SBF2: variants seen among roughly 807,000 people sequenced by gnomAD.
SBF2 encodes myotubularin-related protein 13.
A neutral mutation model predicts 225.2 loss-of-function variants in SBF2; 112 were observed. The observed-to-expected ratio is 0.50, with a 90% CI of 0.43 to 0.58. The LOEUF is 0.58. Ranked by LOEUF, SBF2 falls within the 20% of genes least tolerant of loss-of-function variation. The pLI is 0.00. For missense variants in SBF2, 1,996 were observed against 2,206.2 expected (o/e 0.90, Z 1.91); for synonymous variants, 763 against 773.3 (o/e 0.99, Z 0.22).
At chr11:9,780,573 TG>T in intron 39 of SBF2, 57 bp from the exon 40 acceptor site, 1 of 1,425,812 alleles carries the variant, frequency 7.0e-7, no homozygotes, top group Non-Finnish European at 9.9e-7. Context: ...TTTATGGATT[TG>T]GGTAAGTGGT....
chr11:10,062,416 G>A (rs948883777), intron 2 of SBF2, among the ~76,000 whole-genome samples: 2 of 152,158 alleles, frequency 1.3e-5, no homozygotes, highest in African/African-American at 2.4e-5. Context: ...TACAGACTGG[G>A]AGAAAATTTA....
chr11:9,896,869 G>A (rs2134137367), intron 16 of SBF2, among the ~76,000 whole-genome samples: 1 of 152,124 alleles, frequency 6.6e-6, no homozygotes, highest in African/African-American at 2.4e-5. Context: ...AAAACCCATT[G>A]AGTGAAATGC....
chr11:10,268,474 C>T (rs1962197593), intron 1 of SBF2, among the ~76,000 whole-genome samples: 1 of 152,100 alleles, frequency 6.6e-6, no homozygotes, highest in Non-Finnish European at 1.5e-5. Flanking sequence ...CAAAAAGCTA[C>T]AATGGATCAA....
intron 1 of SBF2, among the ~76,000 whole-genome samples, chr11:10,262,240 G>C (rs1287711270): frequency 6.6e-6 from 1 of 152,162 alleles, no homozygotes; most frequent in Non-Finnish European, 1.5e-5. Flanking sequence ...GGAATCAACA[G>C]ATGGAGTAAT....
At chr11:10,190,768 G>T (rs1957134564) in intron 2 of SBF2, among the ~76,000 whole-genome samples, 1 of 152,086 alleles carries the variant, frequency 6.6e-6, no homozygotes, top group Non-Finnish European at 1.5e-5. Flanking sequence ...AATAAAGTTG[G>T]TCCCTATTCA....
At chr11:9,910,260 C>T (rs1384463461) in intron 16 of SBF2, among the ~76,000 whole-genome samples, 1 of 152,172 alleles carries the variant, frequency 6.6e-6, no homozygotes, top group African/African-American at 2.4e-5. Flanking sequence ...GCCATTGTAA[C>T]ATCCAAGAGA....
At chr11:10,221,244 A>G (rs763515102) in intron 1 of SBF2, among the ~76,000 whole-genome samples, 2 of 151,616 alleles carry the variant, frequency 1.3e-5, no homozygotes, top group Non-Finnish European at 2.9e-5. Context: ...CAGCCTCCCA[A>G]GTAGCTGGGA....
chr11:9,839,089 ACT>A (rs912183182), intron 26 of SBF2: 69 of 259,048 alleles, frequency 2.7e-4, no homozygotes, highest in African/African-American at 1.4e-3. Context: ...GCAACAAGAG[ACT>A]CTATGGCTCA....
chr11:9,871,312 C>T (rs1251452365), intron 17 of SBF2, among the ~76,000 whole-genome samples: 2 of 151,248 alleles, frequency 1.3e-5, no homozygotes, highest in East Asian at 1.9e-4. Context: ...AAAAAAGACC[C>T]CATTAAAAAG....
rs557996641 is a variant in SBF2 at position 10,165,645 on chromosome 11, A to G, written c.141+28257T>C. ...ACAGAACCAAATCTCCATCCCAGTC[A>G]CTTCAACTAGATAGTATCTAAAATC... is the stretch of plus-strand genomic sequence containing the variant. On this transcript the variant is annotated intron_variant, in intron 2 of 39. Coordinates refer to ENST00000256190, the MANE Select transcript of SBF2 (RefSeq NM_030962.4). 4.6e-5 allele frequency among the ~76,000 whole-genome samples: 7 copies of G among 152,288 alleles called. No individual in the cohort carries two copies. The South Asian group carries it at 1.5e-3, about 32-fold the overall frequency.
intron 16 of SBF2, among the ~76,000 whole-genome samples, chr11:9,934,822 A>G (rs1266097000): frequency 6.6e-6 from 1 of 152,220 alleles, no homozygotes; most frequent in Non-Finnish European, 1.5e-5. Context: ...AATAAGAGCT[A>G]TTTATGACAA....
At chr11:10,052,588 C>T (rs965303691) in intron 2 of SBF2, among the ~76,000 whole-genome samples, 2 of 152,174 alleles carry the variant, frequency 1.3e-5, no homozygotes, top group East Asian at 1.9e-4. Context: ...GCATTACAAA[C>T]ACCCGCTTTG....
intron 2 of SBF2, among the ~76,000 whole-genome samples, chr11:10,089,855 T>G (rs1429469544): frequency 6.6e-6 from 1 of 152,136 alleles, no homozygotes; most frequent in Non-Finnish European, 1.5e-5. Flanking sequence ...ATTCAAATAC[T>G]CAACAATAAA....
Position 9,829,377 on chromosome 11 carries a change from G to A in SBF2, c.3772C>T (p.Pro1258Ser). ...LRGNSTLTVRPAFALSPGVWA... is the reference protein window; with the variant it reads ...LRGNSTLTVRSAFALSPGVWA... ...TTACCTGGAGATAGAGCAAAGGCTG[G>A]CCTGACAGTAAGAGTGCTGTTGCCT... is the stretch of plus-strand genomic sequence containing the variant. Residue 1258 changes from proline (P) to serine (S), a missense_variant, in exon 28 of 40, where the codon CCA (proline) becomes TCA (serine). Transcript: ENST00000256190. The A allele has an allele frequency of 6.2e-7, 1 of 1,614,142 alleles. No individual in the cohort carries two copies. The highest frequency in any genetic ancestry group is 8.5e-7 in the Non-Finnish European group (1 of 1,180,000).
chr11:9,839,102 T>C (rs1855923709), intron 26 of SBF2: 3 of 296,150 alleles, frequency 1.0e-5, no homozygotes, highest in Admixed American at 9.6e-5. Flanking sequence ...CTATGGCTCA[T>C]AAACTGAAAA....
intron 2 of SBF2, among the ~76,000 whole-genome samples, chr11:10,177,881 C>A (rs1191766633): frequency 1.3e-5 from 2 of 150,000 alleles, no homozygotes; most frequent in African/African-American, 2.5e-5. Context: ...GCCTGCATTG[C>A]CAAGACAATC....
At chr11:10,035,211 T>TA (rs1439289113) in intron 3 of SBF2, among the ~76,000 whole-genome samples, 3 of 152,066 alleles carry the variant, frequency 2.0e-5, no homozygotes, top group Non-Finnish European at 4.4e-5. Context: ...CCTGACCTCG[T>TA]GATCTGCCCA....
intron 26 of SBF2, among the ~76,000 whole-genome samples, chr11:9,835,096 T>A (rs1047211062): frequency 6.6e-6 from 1 of 152,144 alleles, no homozygotes; most frequent in Non-Finnish European, 1.5e-5. Context: ...CTGCCACCCA[T>A]CCTAACCCAC....
At chr11:10,074,470 G>A (rs951713926) in intron 2 of SBF2, among the ~76,000 whole-genome samples, 3 of 152,104 alleles carry the variant, frequency 2.0e-5, no homozygotes, top group Non-Finnish European at 4.4e-5. Context: ...AATGTTCTTC[G>A]AATTTTATAA....
Sources: allele counts gnomAD v4.1 joint callset (sites outside exome capture counted in the v4.1 genomes callset), GRCh38; gene constraint gnomAD v4.1.1; transcripts MANE v1.5; gene names NCBI Gene and HGNC (gene_info 2026-07-23, HGNC 2026-07-21).